DYSF: variants seen among roughly 807,000 people sequenced by gnomAD.
The protein encoded by DYSF is dystrophy-associated fer-1-like 1.
Under a neutral mutation model 274.9 loss-of-function variants are expected in DYSF, and 212 were observed. The ratio of observed to expected loss-of-function variants is 0.77; its 90% CI spans 0.69 to 0.86. DYSF has a LOEUF of 0.86. Among genes scored for constraint, DYSF ranks in the 40% least tolerant of loss-of-function variants. The pLI is 0.00. For synonymous variants in DYSF, 1,091 were observed against 1,078.7 expected, an observed-to-expected ratio of 1.01 and a Z score of -0.22; for missense variants, 2,666 against 2,783.2, an observed-to-expected ratio of 0.96 and a Z score of 0.95.
intron 35 of DYSF, among the ~76,000 whole-genome samples, chr2:71,601,958 A>G (rs2093559873): frequency 1.3e-5 from 2 of 152,188 alleles, no homozygotes; most frequent in Non-Finnish European, 2.9e-5. Flanking sequence ...CAGCCCAGCA[A>G]CCTCTGTATC....
At chr2:71,456,125 C>G (rs1206277015) in intron 1 of DYSF, among the ~76,000 whole-genome samples, 1 of 152,078 alleles carries the variant, frequency 6.6e-6, no homozygotes, top group Non-Finnish European at 1.5e-5. Flanking sequence ...CCACCCCCAT[C>G]TGCTTTTTGC....
rs898342353 is a variant in DYSF, at chr2:71,454,369, C to T, written c.88+283C>T. On this transcript the variant is annotated intron_variant, in intron 1 of 54. Transcript: ENST00000258104. ...GTGGGACCAGCATCTCTCCTCTCACCTTTTCGGGATCTCTGAAAAGAGGTC... is the reference window on the plus strand; with the variant it reads ...GTGGGACCAGCATCTCTCCTCTCACTTTTTCGGGATCTCTGAAAAGAGGTC... Among the ~76,000 whole-genome samples the T allele has an allele frequency of 3.9e-5, 6 of 152,354 alleles. No homozygotes were observed. The East Asian group carries it at 1.2e-3, about 29-fold the overall frequency.
chr2:71,604,488 C>T (rs966309222), intron 36 of DYSF, among the ~76,000 whole-genome samples: 4 of 152,318 alleles, frequency 2.6e-5, no homozygotes, highest in African/African-American at 9.6e-5. Context: ...TGGGAGCCTC[C>T]TCCTGAGCCC....
intron 19 of DYSF, 126 bp downstream of exon 19, chr2:71,551,846 AC>A: frequency 1.4e-6 from 1 of 699,310 alleles, no homozygotes. Flanking sequence ...TCGTGCCTTT[AC>A]CTCCCCGGGC....
intron 11 of DYSF, 60 bp downstream of exon 11, chr2:71,520,268 C>CCCCAAATGAGTGTCCCCA: frequency 6.3e-7 from 1 of 1,578,556 alleles, no homozygotes; most frequent in Non-Finnish European, 8.7e-7. Flanking sequence ...TGATTGGGGA[C>CCCCAAATGAGTGTCCCCA]ACTCATTTGG....
chr2:71,572,015 GCA>G (rs1186624684), intron 29 of DYSF, among the ~76,000 whole-genome samples: 4 of 121,932 alleles, frequency 3.3e-5, no homozygotes, highest in Non-Finnish European at 4.9e-5. Flanking sequence ...ATCACACTCA[GCA>G]CACACACATT....
intron 46 of DYSF, 21 bp downstream of exon 46, chr2:71,664,459 T>A: frequency 1.2e-6 from 2 of 1,613,480 alleles, no homozygotes; most frequent in Non-Finnish European, 1.7e-6. Context: ...GGGGGCTGGC[T>A]GCCTGCTTCT....
At chr2:71,480,585 A>G (rs1244880664) in intron 1 of DYSF, among the ~76,000 whole-genome samples, 1 of 152,224 alleles carries the variant, frequency 6.6e-6, no homozygotes, top group East Asian at 1.9e-4. Flanking sequence ...CAGAAAATTT[A>G]TAATTAAAAA....
intron 41 of DYSF, among the ~76,000 whole-genome samples, chr2:71,641,232 G>C (rs1387941506): frequency 7.2e-6 from 1 of 138,756 alleles, no homozygotes; most frequent in Admixed American, 7.6e-5. Flanking sequence ...AGGTGGGAGT[G>C]CAGTGGCGCA....
chr2:71,537,233 T>TTG (rs1172741380), intron 16 of DYSF, among the ~76,000 whole-genome samples: 14 of 142,926 alleles, frequency 9.8e-5, no homozygotes, highest in Non-Finnish European at 2.0e-4. Flanking sequence ...GTTTTTTTTT[T>TTG]TTTTTTTTTT....
In DYSF at chr2:71,483,255, C is replaced by T. The variant is rs548150652; in HGVS notation, c.239+1285C>T. 1.1e-4 allele frequency among the ~76,000 whole-genome samples: 16 copies of T among 152,288 alleles called. No homozygotes were observed. The South Asian group carries it at 3.3e-3, about 32-fold the overall frequency. ...TCTTCCAGCTGTTGACCTCAGACATCTCCACCTGCACGGGGGACAGGGATT... is the reference window on the plus strand; with the variant it reads ...TCTTCCAGCTGTTGACCTCAGACATTTCCACCTGCACGGGGGACAGGGATT... On this transcript the variant is annotated intron_variant, in intron 3 of 55. Transcript: ENST00000410020.
At chr2:71,631,432 T>C (rs1413364832) in intron 41 of DYSF, among the ~76,000 whole-genome samples, 1 of 152,198 alleles carries the variant, frequency 6.6e-6, no homozygotes. Context: ...TCTTTAAAAA[T>C]ATCACCCGTT....
At chr2:71,560,137 C>T (rs1289655205) in intron 22 of DYSF, among the ~76,000 whole-genome samples, 4 of 152,228 alleles carry the variant, frequency 2.6e-5, no homozygotes, top group African/African-American at 9.6e-5. Context: ...CCCCTTCTTT[C>T]CGTACCCCCT....
At chr2:71,583,584 C>T (rs2092966995) in intron 30 of DYSF, among the ~76,000 whole-genome samples, 1 of 152,214 alleles carries the variant, frequency 6.6e-6, no homozygotes, top group Non-Finnish European at 1.5e-5. Context: ...TCTGGCCCTT[C>T]TGTCACCTTA....
intron 42 of DYSF, 148 bp downstream of exon 42, chr2:71,644,211 G>A: frequency 1.3e-6 from 1 of 784,958 alleles, no homozygotes; most frequent in Non-Finnish European, 2.2e-6. Context: ...TAGACCAGCT[G>A]GGTGAGAAAG....
At chr2:71,683,537 A>G (rs2095320777) in intron 55 of DYSF, among the ~76,000 whole-genome samples, 2 of 152,256 alleles carry the variant, frequency 1.3e-5, no homozygotes, top group African/African-American at 4.8e-5. Context: ...TTTAATATGA[A>G]AACTCCAACC....
intron 51 of DYSF, among the ~76,000 whole-genome samples, chr2:71,672,893 C>T (rs2095154697): frequency 6.6e-6 from 1 of 152,254 alleles, no homozygotes; most frequent in Non-Finnish European, 1.5e-5. Flanking sequence ...GCCCCTTCCC[C>T]AACCCAGGCA....
intron 17 of DYSF, among the ~76,000 whole-genome samples, chr2:71,542,642 T>C (rs974558163): frequency 6.6e-6 from 1 of 152,194 alleles, no homozygotes; most frequent in Admixed American, 6.5e-5. Flanking sequence ...TTAATCCATT[T>C]AACCCTGAGT....
intron 16 of DYSF, among the ~76,000 whole-genome samples, chr2:71,538,063 G>T (rs762373875): frequency 6.6e-6 from 1 of 152,202 alleles, no homozygotes; most frequent in African/African-American, 2.4e-5. Flanking sequence ...TGGTCTCCAC[G>T]TCAGCATATC....
Sources: gnomAD v4.1 joint callset for allele counts (sites outside exome capture counted in the v4.1 genomes callset) on GRCh38, gnomAD v4.1.1 for gene constraint, MANE v1.5 for transcripts, NCBI Gene and HGNC (gene_info 2026-07-23, HGNC 2026-07-21) for gene names.